Variants in MS4A6A observed in about 807,000 individuals in gnomAD.
MS4A6A encodes membrane spanning 4-domains A6A.
In MS4A6A, 19 loss-of-function variants were observed where a neutral mutation model predicts 20.6. That is an observed-to-expected ratio of 0.92 (90% confidence interval 0.64 to 1.36). The LOEUF is 1.36. MS4A6A is among the 40% of genes most tolerant of loss of function. The pLI is 0.00. For synonymous variants in MS4A6A, 108 were observed against 105.0 expected (o/e 1.03, Z -0.17); for missense variants, 272 against 261.1 (o/e 1.04, Z -0.29).
intron 4 of MS4A6A, chr11:60,176,969 G>T: frequency 6.6e-6 from 1 of 152,084 alleles, no homozygotes. Flanking sequence ...CTACCCTTGT[G>T]CCAGGCTACT....
chr11:60,175,820 T>A (rs1478826556), intron 4 of MS4A6A, among the ~76,000 whole-genome samples: 4 of 152,186 alleles, frequency 2.6e-5, no homozygotes, highest in Admixed American at 6.5e-5. Flanking sequence ...TACGAACTGG[T>A]TCACCTTAAG....
At chr11:60,172,098 G>T, downstream of MS4A6A, 1 of 1,530,936 alleles carries the variant, frequency 6.5e-7, no homozygotes, top group Non-Finnish European at 8.9e-7. Flanking sequence ...TTCTATAATG[G>T]TTAACTTTTC....
chr11:60,177,967 T>C (rs759597710), intron 4 of MS4A6A: 10 of 336,636 alleles, frequency 3.0e-5, no homozygotes, highest in Middle Eastern at 8.3e-4. Context: ...AGGCCAGTTA[T>C]CACCGAAAGA....
chr11:60,177,869 G>C (rs1368595220), intron 4 of MS4A6A: 2 of 221,476 alleles, frequency 9.0e-6, no homozygotes, highest in African/African-American at 4.7e-5. Context: ...TTCAAGGGTT[G>C]TAACACCTGG....
chr11:60,179,538 A>T, intron 3 of MS4A6A: 1 of 567,588 alleles, frequency 1.8e-6, no homozygotes, highest in Non-Finnish European at 3.1e-6. Flanking sequence ...ATCCTAATTC[A>T]TGGATTTTTT....
chr11:60,177,252 A>C (rs533837284), intron 4 of MS4A6A: 8 of 152,288 alleles, frequency 5.3e-5, no homozygotes, highest in African/African-American at 1.9e-4. Context: ...GGTTCCAAAT[A>C]ATAATCTCTA....
chr11:60,176,646 ACC>A (rs1047826137), intron 4 of MS4A6A, among the ~76,000 whole-genome samples: 15 of 152,036 alleles, frequency 9.9e-5, no homozygotes, highest in African/African-American at 3.6e-4. Flanking sequence ...ATACTCTGGG[ACC>A]CCAATTTCCC....
chr11:60,172,371 C>A, downstream of MS4A6A: 1 of 1,461,382 alleles, frequency 6.8e-7, no homozygotes, highest in Non-Finnish European at 9.0e-7. Flanking sequence ...ATAAGTAGAG[C>A]ATATCACCAG....
chr11:60,175,723 G>C (rs1856805233), intron 4 of MS4A6A, 112 bp from the exon 5 acceptor site: 4 of 1,129,252 alleles, frequency 3.5e-6, no homozygotes, highest in Non-Finnish European at 2.5e-6. Context: ...GGAGGTCTGG[G>C]ATTGATCATT....
Position 60,172,773 on chromosome 11 carries a change from G to T in MS4A6A, c.*228C>A. On this transcript the variant is annotated 3_prime_UTR_variant, in exon 6 of 6. Coordinates refer to ENST00000528851, the MANE Select transcript of MS4A6A (RefSeq NM_022349.4). Reference sequence around the variant, plus strand: ...AACTTCCCAGAGTCTCATTCCCTTCGCTGACAAAATAGGAAGATTGAATCA... The same window carrying T: ...AACTTCCCAGAGTCTCATTCCCTTCTCTGACAAAATAGGAAGATTGAATCA... The T allele has an allele frequency of 7.7e-7, 1 of 1,299,406 alleles. No individual in the cohort carries two copies. The highest frequency in any genetic ancestry group is 9.9e-7 in the Non-Finnish European group (1 of 1,013,330). 80.5% of individuals were successfully genotyped at this position (1,299,406 alleles called of 1,614,324 possible).
chr11:60,172,372 A>C, downstream of MS4A6A: 1 of 1,460,250 alleles, frequency 6.8e-7, no homozygotes, highest in Non-Finnish European at 9.0e-7. Flanking sequence ...TAAGTAGAGC[A>C]TATCACCAGG....
At chr11:60,184,131 C>T (rs547848949), upstream of MS4A6A, 1 of 152,266 alleles carries the variant, frequency 6.6e-6, no homozygotes, top group Admixed American at 6.5e-5. Flanking sequence ...CACACATTAA[C>T]TCTCCTGTTG....
intron 4 of MS4A6A, chr11:60,177,873 C>A: frequency 4.4e-6 from 1 of 225,852 alleles, no homozygotes; most frequent in South Asian, 6.5e-5. Context: ...AGGGTTGTAA[C>A]ACCTGGGCTT....
intron 2 of MS4A6A, chr11:60,180,757 C>A: frequency 7.5e-6 from 2 of 266,776 alleles, no homozygotes; most frequent in Non-Finnish European, 1.5e-5. Context: ...GGACAGAAAC[C>A]AAATACTGCA....
In MS4A6A at chr11:60,181,874, G is replaced by A. The variant is rs1159408690; in HGVS notation, c.-14-133C>T. ...CATTAGAGAAAGAAACTGATAGTAT[G>A]GAACAGTGAAAACCACACAATCTTG... On this transcript the variant is annotated intron_variant, in intron 1 of 5. Transcript: ENST00000528851. 40 of 852,080 alleles carry A rather than the reference G, an allele frequency of 4.7e-5. No homozygotes were observed. The Admixed American group carries it at 9.9e-4, about 21-fold the overall frequency. The allele number at this position is 852,080 out of a possible 1,614,324, so 52.8% of individuals were successfully genotyped here.
At chr11:60,174,804 T>G (rs1421694436) in intron 5 of MS4A6A, among the ~76,000 whole-genome samples, 1 of 152,210 alleles carries the variant, frequency 6.6e-6, no homozygotes, top group Non-Finnish European at 1.5e-5. Context: ...TCCCTATATT[T>G]CTTATCTCCT....
At chr11:60,174,359 T>C in intron 5 of MS4A6A, among the ~76,000 whole-genome samples, 1 of 151,114 alleles carries the variant, frequency 6.6e-6, no homozygotes, top group South Asian at 2.1e-4. Context: ...AGTCTTGCTC[T>C]GTCACCCAGG....
chr11:60,172,064 A>G (rs756042948), downstream of MS4A6A: 109 of 1,244,440 alleles, frequency 8.8e-5, no homozygotes, highest in Non-Finnish European at 1.2e-4. Flanking sequence ...AAAAGCTTAC[A>G]TTTAGGAAAC....
intron 5 of MS4A6A, among the ~76,000 whole-genome samples, chr11:60,174,254 T>C (rs1278883875): frequency 6.6e-6 from 1 of 152,198 alleles, no homozygotes; most frequent in African/African-American, 2.4e-5. Context: ...TCTGTCCATC[T>C]TCCAGCTGAG....
Sources: allele counts gnomAD v4.1 joint callset (sites outside exome capture counted in the v4.1 genomes callset), GRCh38; gene constraint gnomAD v4.1.1; transcripts MANE v1.5; gene names NCBI Gene and HGNC (gene_info 2026-07-23, HGNC 2026-07-21).